The following PIP5K1A variants were observed in gnomAD, a reference collection of about 807,000 sequenced individuals.
PIP5K1A encodes phosphatidylinositol-4-phosphate 5-kinase type 1 alpha.
Under a neutral mutation model 72.9 loss-of-function variants are expected in PIP5K1A, and 46 were observed. That is an observed-to-expected ratio of 0.63 (90% CI 0.50 to 0.81). PIP5K1A has a LOEUF of 0.81. Among genes scored for constraint, PIP5K1A ranks in the 30% least tolerant of loss-of-function variants. PIP5K1A has a pLI of 0.00. For missense variants in PIP5K1A, 458 were observed against 706.1 expected (o/e 0.65, Z 3.98); for synonymous variants, 228 against 255.1 (o/e 0.89, Z 1.01).
intron 8 of PIP5K1A, among the ~76,000 whole-genome samples, 199 bp from the exon 9 acceptor site, chr1:151,236,359 C>T: frequency 6.6e-6 from 1 of 151,688 alleles, no homozygotes; most frequent in Admixed American, 6.6e-5. Flanking sequence ...GCCTGTAGTC[C>T]CAGCTACTTG....
intron 3 of PIP5K1A, among the ~76,000 whole-genome samples, chr1:151,226,690 G>A (rs903901188): frequency 6.9e-6 from 1 of 144,102 alleles, no homozygotes; most frequent in Non-Finnish European, 1.5e-5. Flanking sequence ...TCCAGCCCAG[G>A]CGACACAAGC....
In PIP5K1A at chr1:151,204,459, G is replaced by A. The variant is rs587666470; in HGVS notation, c.85+5378G>A. On this transcript the variant is annotated intron_variant, in intron 1 of 15. Coordinates refer to ENST00000368888, the MANE Select transcript of PIP5K1A (RefSeq NM_001135638.2). The stretch of plus-strand genomic sequence containing the variant: ...CCCAAAGTGCTGGTATTACAGGCGT[G>A]AGCCGCCACGCCCGGCCTGTGGATG... Among the ~76,000 whole-genome samples the A allele has an allele frequency of 3.7e-4, 56 of 152,260 alleles. 1 individual carries two copies. In the Middle Eastern group the frequency reaches 0.01, roughly 28 times the overall value.
At chr1:151,242,639 G>A (rs1228768495) in intron 14 of PIP5K1A, 72 bp downstream of exon 14, 1 of 1,271,102 alleles carries the variant, frequency 7.9e-7, no homozygotes, top group Non-Finnish European at 1.1e-6. Flanking sequence ...TCTATAATTT[G>A]ATTGCATCAT....
chr1:151,232,737 G>T, intron 7 of PIP5K1A, 34 bp downstream of exon 7: 2 of 1,589,922 alleles, frequency 1.3e-6, no homozygotes, highest in Non-Finnish European at 1.7e-6. Context: ...CACCTGTGCT[G>T]CTCACTTCTG....
chr1:151,209,258 G>T (rs1686425515), intron 1 of PIP5K1A, among the ~76,000 whole-genome samples: 1 of 151,840 alleles, frequency 6.6e-6, no homozygotes, highest in African/African-American at 2.4e-5. Flanking sequence ...CTATTATATT[G>T]TAAGGGATCT....
At position 151,200,062 on chromosome 1, in the gene PIP5K1A, G is replaced by A. The variant is rs114508440; in HGVS notation, c.85+981G>A. Among the ~76,000 whole-genome samples the A allele has an allele frequency of 8.8e-3, 1,344 of 152,074 alleles. 28 individuals are homozygous for A. The highest frequency in any genetic ancestry group is 0.031 in the African/African-American group (1,274 of 41,440). ...AATGGAAATTTTGAAGAGAGTCTAA[G>A]GAATGTAGGAAATTAAGGTCAAAGA... On this transcript the variant is annotated intron_variant, in intron 1 of 15. Transcript: ENST00000368888.
At chr1:151,230,073 G>A (rs1445656662) in intron 4 of PIP5K1A, among the ~76,000 whole-genome samples, 2 of 152,162 alleles carry the variant, frequency 1.3e-5, no homozygotes, top group African/African-American at 4.8e-5. Flanking sequence ...GGGCGACAGA[G>A]CGAGACTCCG....
At chr1:151,211,098 C>G (rs1439061500) in intron 1 of PIP5K1A, among the ~76,000 whole-genome samples, 1 of 152,194 alleles carries the variant, frequency 6.6e-6, no homozygotes, top group Non-Finnish European at 1.5e-5. Context: ...GTCATTGCAT[C>G]TCTGACAGAA....
upstream of PIP5K1A, chr1:151,197,903 C>T (rs1684701639): frequency 8.2e-6 from 3 of 364,900 alleles, no homozygotes; most frequent in South Asian, 6.2e-5. Context: ...TATCTCCATG[C>T]CCTTTGGAGC....
intron 1 of PIP5K1A, among the ~76,000 whole-genome samples, chr1:151,217,782 TA>T (rs1558256713): frequency 1.3e-5 from 2 of 151,906 alleles, no homozygotes; most frequent in African/African-American, 4.8e-5. Flanking sequence ...ATTTTTTTTT[TA>T]AATTTTTTAT....
At position 151,249,089 on chromosome 1, in the gene PIP5K1A, C is replaced by T. The variant is rs1395515920; in HGVS notation, c.*1224C>T. 2.0e-5 allele frequency: 3 copies of T among 152,174 alleles called. No individual in the cohort carries two copies. The highest frequency in any genetic ancestry group is 4.4e-5 in the Non-Finnish European group (3 of 68,044). 9.4% of individuals were successfully genotyped at this position (152,174 alleles called of 1,614,324 possible). A position where few individuals can be genotyped will look rare whatever the true frequency, so the allele number is the denominator to read the frequency against. Reference sequence around the variant, plus strand: ...CAAGAGTTGTGGTTTTCCATCTGATCCTTCCACTCTTGTCAGGGGAAGAAG... The same window carrying T: ...CAAGAGTTGTGGTTTTCCATCTGATTCTTCCACTCTTGTCAGGGGAAGAAG... On this transcript the variant is annotated 3_prime_UTR_variant, in exon 16 of 16. Coordinates refer to ENST00000368888, the MANE Select transcript of PIP5K1A (RefSeq NM_001135638.2).
At chr1:151,225,578 T>G (rs1570899245) in intron 3 of PIP5K1A, among the ~76,000 whole-genome samples, 1 of 151,890 alleles carries the variant, frequency 6.6e-6, no homozygotes, top group Non-Finnish European at 1.5e-5. Context: ...CAGGCAGTTC[T>G]CCTGCCTCAG....
At chr1:151,205,983 T>C (rs1271357178) in intron 1 of PIP5K1A, among the ~76,000 whole-genome samples, 1 of 152,162 alleles carries the variant, frequency 6.6e-6, no homozygotes, top group Non-Finnish European at 1.5e-5. Context: ...GAAACACCGA[T>C]GGTGTTTCCT....
intron 14 of PIP5K1A, among the ~76,000 whole-genome samples, chr1:151,245,119 G>A (rs1692304471): frequency 6.6e-6 from 1 of 151,960 alleles, no homozygotes; most frequent in Non-Finnish European, 1.5e-5. Context: ...TGGCATTTTT[G>A]TTTAATAGTC....
chr1:151,245,897 T>C (rs1241001766), intron 14 of PIP5K1A, among the ~76,000 whole-genome samples: 2 of 152,136 alleles, frequency 1.3e-5, no homozygotes, highest in African/African-American at 4.8e-5. Flanking sequence ...CAAAAGTCTG[T>C]ATTATCTATT....
chr1:151,212,990 A>G (rs1191188666), intron 1 of PIP5K1A, among the ~76,000 whole-genome samples: 2 of 144,286 alleles, frequency 1.4e-5, no homozygotes, highest in Non-Finnish European at 3.0e-5. Flanking sequence ...TCCTGGGTTC[A>G]TGCCATTCTC....
chr1:151,233,881 A>T (rs951430692), intron 7 of PIP5K1A: 3 of 274,216 alleles, frequency 1.1e-5, no homozygotes, highest in Admixed American at 4.9e-5. Flanking sequence ...CTGCCTTACC[A>T]TCCCCAAGAA....
intron 1 of PIP5K1A, among the ~76,000 whole-genome samples, chr1:151,199,686 T>C (rs755292147): frequency 8.0e-5 from 12 of 150,232 alleles, no homozygotes; most frequent in Admixed American, 2.0e-4. Flanking sequence ...AGAAAGTAAA[T>C]GGAGGCCTAA....
chr1:151,239,483 G>A (rs1259494615), intron 11 of PIP5K1A, among the ~76,000 whole-genome samples: 6 of 151,906 alleles, frequency 3.9e-5, no homozygotes, highest in Non-Finnish European at 8.8e-5. Flanking sequence ...TGTTGGCCAG[G>A]CTGGTCTCAA....
Sources: gnomAD v4.1 joint callset for allele counts (sites outside exome capture counted in the v4.1 genomes callset) on GRCh38, gnomAD v4.1.1 for gene constraint, MANE v1.5 for transcripts, NCBI Gene and HGNC (gene_info 2026-07-23, HGNC 2026-07-21) for gene names.